RASSF3: variants seen among roughly 807,000 people sequenced by gnomAD.
RASSF3 encodes the protein ras association domain-containing protein 3.
A neutral mutation model predicts 19.9 loss-of-function variants in RASSF3; 19 were observed. The ratio of observed to expected loss-of-function variants is 0.96; its 90% CI spans 0.67 to 1.40. RASSF3 has a LOEUF of 1.40. Among genes scored for constraint, RASSF3 ranks in the 40% most tolerant of loss-of-function variants. RASSF3 has a pLI of 0.00. For missense variants in RASSF3, 306 were observed against 289.8 expected (o/e 1.06, Z -0.41); for synonymous variants, 110 against 104.2 (o/e 1.06, Z -0.34).
chr12:64,635,617 G>T (rs967271526), intron 1 of RASSF3, among the ~76,000 whole-genome samples: 2 of 152,214 alleles, frequency 1.3e-5, no homozygotes, highest in African/African-American at 4.8e-5. Flanking sequence ...GAGGCACAGA[G>T]AGGTTAAATA....
At chr12:64,614,068 C>T (rs907177399) in intron 1 of RASSF3, among the ~76,000 whole-genome samples, 3 of 151,754 alleles carry the variant, frequency 2.0e-5, no homozygotes, top group Non-Finnish European at 4.4e-5. Context: ...AGTAGTTGCT[C>T]AGTGAATGCA....
At chr12:64,550,785 C>CAGT (rs545207791) in intron 2 of RASSF3, among the ~76,000 whole-genome samples, 173 of 130,196 alleles carry the variant, frequency 1.3e-3, no homozygotes, top group Non-Finnish European at 2.2e-3. Flanking sequence ...CTAGCCACTG[C>CAGT]AGTCCAGCCT....
chr12:64,609,659 G>A (rs1366186331), upstream of RASSF3, among the ~76,000 whole-genome samples: 1 of 152,184 alleles, frequency 6.6e-6, no homozygotes, highest in Non-Finnish European at 1.5e-5. Context: ...TGGATGGATG[G>A]AATTCCCTGA....
chr12:64,558,300 G>A (rs1232274857), intron 2 of RASSF3, among the ~76,000 whole-genome samples: 1 of 152,190 alleles, frequency 6.6e-6, no homozygotes, highest in Admixed American at 6.5e-5. Flanking sequence ...GGCTGATGAT[G>A]AAGATTAGCT....
At chr12:64,679,908 T>C (rs1302822373) in intron 1 of RASSF3, among the ~76,000 whole-genome samples, 2 of 152,182 alleles carry the variant, frequency 1.3e-5, no homozygotes, top group Non-Finnish European at 2.9e-5. Context: ...AACTGACACA[T>C]TATCCACAGA....
chr12:64,527,593 A>G (rs1354218014), intron 1 of RASSF3, among the ~76,000 whole-genome samples: 1 of 152,186 alleles, frequency 6.6e-6, no homozygotes, highest in African/African-American at 2.4e-5. Context: ...CTAAAAAGTG[A>G]TGCCTGGGGA....
chr12:64,515,317 A>G (rs558671789), intron 1 of RASSF3, among the ~76,000 whole-genome samples: 1 of 152,250 alleles, frequency 6.6e-6, no homozygotes, highest in South Asian at 2.1e-4. Context: ...TCTGCCTCCC[A>G]AAGGCATGAT....
chr12:64,643,545 C>G (rs1279650620), intron 1 of RASSF3, among the ~76,000 whole-genome samples: 1 of 150,924 alleles, frequency 6.6e-6, no homozygotes, highest in East Asian at 1.9e-4. Context: ...GAGACCCCGT[C>G]TCTTAAAAAA....
At chr12:64,548,039 G>A (rs1176999839) in intron 2 of RASSF3, among the ~76,000 whole-genome samples, 1 of 152,044 alleles carries the variant, frequency 6.6e-6, no homozygotes, top group Non-Finnish European at 1.5e-5. Flanking sequence ...ACATAGATAT[G>A]TTTTCACCCT....
rs867634913 is a variant in RASSF3 at position 64,520,583 on chromosome 12, T to C, written c.169+13254T>C. 2.9e-3 allele frequency among the ~76,000 whole-genome samples: 386 copies of C among 134,094 alleles called. 2 individuals are homozygous for C. The highest frequency in any genetic ancestry group is 9.7e-3 in the African/African-American group (366 of 37,872). The allele number at this position is 134,094 out of a possible 152,430, so 88.0% of individuals were successfully genotyped here. ...ATATATATATATATATATATATATA[T>C]ATATATATATATGCACATATATGTT... is the stretch of plus-strand genomic sequence containing the variant. On this transcript the variant is annotated intron_variant, in intron 1 of 5. Transcript: ENST00000637125.
At chr12:64,676,797 C>G (rs1484375135) in intron 1 of RASSF3, among the ~76,000 whole-genome samples, 2 of 145,826 alleles carry the variant, frequency 1.4e-5, no homozygotes, top group African/African-American at 5.1e-5. Flanking sequence ...TAGACAGTGT[C>G]TTGCTGTGTT....
At chr12:64,682,400 T>C (rs1873163574) in intron 1 of RASSF3, among the ~76,000 whole-genome samples, 2 of 151,772 alleles carry the variant, frequency 1.3e-5, no homozygotes, top group African/African-American at 4.8e-5. Flanking sequence ...TGAAACCCCG[T>C]CTCTACTAAA....
At chr12:64,580,772 C>G (rs911555025) in intron 2 of RASSF3, among the ~76,000 whole-genome samples, 3 of 152,050 alleles carry the variant, frequency 2.0e-5, no homozygotes, top group African/African-American at 7.2e-5. Flanking sequence ...CAATCTCTGC[C>G]TTTGTCACAT....
chr12:64,588,394 C>CTT (rs1016386433), intron 2 of RASSF3, among the ~76,000 whole-genome samples: 2 of 152,006 alleles, frequency 1.3e-5, no homozygotes, highest in African/African-American at 4.8e-5. Context: ...TTTAAAATAC[C>CTT]TTTTTTTCTG....
At chr12:64,542,766 G>A (rs1035259880), downstream of RASSF3, among the ~76,000 whole-genome samples, 85 of 152,204 alleles carry the variant, frequency 5.6e-4, no homozygotes, top group African/African-American at 2.0e-3. Context: ...GGTGAGAGGT[G>A]ACAGCATGCT....
At chr12:64,672,742 C>T (rs113532613) in intron 1 of RASSF3, among the ~76,000 whole-genome samples, 51 of 152,280 alleles carry the variant, frequency 3.3e-4, no homozygotes, top group African/African-American at 1.1e-3. Context: ...ATCCTGAACT[C>T]CTGGGCTCAA....
intron 2 of RASSF3, among the ~76,000 whole-genome samples, chr12:64,591,993 C>G (rs1402126732): frequency 3.9e-5 from 6 of 151,918 alleles, no homozygotes; most frequent in African/African-American, 1.5e-4. Context: ...CCTCTGCTTC[C>G]CAGACCCACG....
At chr12:64,607,290 AG>A (rs534319533), upstream of RASSF3, among the ~76,000 whole-genome samples, 15 of 151,850 alleles carry the variant, frequency 9.9e-5, no homozygotes, top group South Asian at 3.1e-3. Flanking sequence ...AAAAAAAAAA[AG>A]CTACCAGAAA....
chr12:64,541,288 T>C lies in RASSF3; in HGVS notation c.68-293T>C, dbSNP rs551419677. ...GGCATGAGCCACAGCGCCCGGCCAA[T>C]GTTGTCTTAATTTAAACCTTGCAAA... On this transcript the variant is annotated intron_variant, in intron 1 of 1. Transcript: ENST00000636333. Among the ~76,000 whole-genome samples, 14 of 152,164 alleles carry C rather than the reference T, an allele frequency of 9.2e-5. No homozygotes were observed. The South Asian group carries it at 2.7e-3, about 29-fold the overall frequency.
Sources: gnomAD v4.1 joint callset for allele counts (sites outside exome capture counted in the v4.1 genomes callset) on GRCh38, gnomAD v4.1.1 for gene constraint, MANE v1.5 for transcripts, NCBI Gene and HGNC (gene_info 2026-07-23, HGNC 2026-07-21) for gene names.